The following SLCO1B3 variants were observed in gnomAD, a reference collection of about 807,000 sequenced individuals.
The protein encoded by SLCO1B3 is liver-specific organic anion transporter 2.
In SLCO1B3, 72 loss-of-function variants were observed where a neutral mutation model predicts 71.8. The observed-to-expected ratio is 1.00, with a 90% CI of 0.83 to 1.22. The LOEUF is 1.22. Ranked by LOEUF, SLCO1B3 falls within the 50% of genes most tolerant of loss-of-function variation. The probability of loss-of-function intolerance (pLI) is 0.00; values close to 1 mark genes in which losing one functional copy is unlikely to be tolerated. For missense variants in SLCO1B3, 911 were observed against 819.7 expected, an observed-to-expected ratio of 1.11 and a Z score of -1.36; for synonymous variants, 298 against 278.4, an observed-to-expected ratio of 1.07 and a Z score of -0.70.
intron 10 of SLCO1B3, among the ~76,000 whole-genome samples, chr12:20,879,006 A>G (rs1020366712): frequency 1.3e-5 from 2 of 152,096 alleles, no homozygotes; most frequent in African/African-American, 2.4e-5. Flanking sequence ...AGAAAGAAAG[A>G]TTTTGTTTTT....
rs747595430 is a variant in SLCO1B3, at chr12:20,862,839, G to A, written c.712G>A (p.Gly238Arg). The A allele has an allele frequency of 8.9e-6, 14 of 1,578,724 alleles. No homozygotes were observed. Among genetic ancestry groups the A allele is most frequent in the Non-Finnish European group, 1.2e-5 (14 of 1,147,898 alleles). Reference sequence around the variant, plus strand: ...GTTTGCTAAAATGTACGTGGATATTGGATATGTAGATCTGAGTAAGTACAA... The same window carrying A: ...GTTTGCTAAAATGTACGTGGATATTAGATATGTAGATCTGAGTAAGTACAA... Reference protein sequence around the residue: ...SLFAKMYVDIGYVDLSTIRIT... With the variant: ...SLFAKMYVDIRYVDLSTIRIT... The change falls in exon 8 of 16, where the codon GGA becomes AGA. Residue 238 changes from glycine to arginine, a missense_variant. Transcript: ENST00000381545.
chr12:20,861,037 C>T lies in SLCO1B3; in HGVS notation c.380C>T (p.Thr127Ile). The change falls in exon 6 of 16, where the codon ACC (threonine) becomes ATC (isoleucine). Residue 127 changes from threonine to isoleucine, a missense_variant. Physicochemically the swap from Thr to Ile is moderately conservative, Grantham distance 89. Coordinates refer to ENST00000381545, the MANE Select transcript of SLCO1B3 (RefSeq NM_019844.4). The stretch of plus-strand genomic sequence containing the variant: ...TACAGTTATAGGTATTCTAAAGAAA[C>T]CCATATTAATCCATCAGAAAATTCA... The part of the protein sequence containing the change: ...FMGYYRYSKE[T>I]HINPSENSTS... 1.3e-6 allele frequency: 2 copies of T among 1,589,768 alleles called. No individual in the cohort carries two copies. Among genetic ancestry groups the T allele is most frequent in the South Asian group, 1.1e-5 (1 of 87,836 alleles).
At chr12:20,856,176 T>C (rs888252915) in intron 4 of SLCO1B3, among the ~76,000 whole-genome samples, 44 of 152,358 alleles carry the variant, frequency 2.9e-4, no homozygotes, top group African/African-American at 1.0e-3. Flanking sequence ...ATTTTTATTA[T>C]GAAATTAATC....
chr12:20,821,305 C>G (rs992998609), intron 3 of SLCO1B3, among the ~76,000 whole-genome samples: 2 of 152,020 alleles, frequency 1.3e-5, no homozygotes, highest in Non-Finnish European at 2.9e-5. Context: ...GTTTTTCTGG[C>G]AATTTGTAAC....
chr12:20,864,643 T>C (rs1298151910), intron 8 of SLCO1B3, among the ~76,000 whole-genome samples: 1 of 152,156 alleles, frequency 6.6e-6, no homozygotes, highest in African/African-American at 2.4e-5. Flanking sequence ...ACAAAGTAAG[T>C]GTTGAAGGTC....
chr12:20,842,341 T>G (rs758016176), intron 3 of SLCO1B3, among the ~76,000 whole-genome samples: 14 of 152,228 alleles, frequency 9.2e-5, no homozygotes, highest in Admixed American at 2.0e-4. Flanking sequence ...TTTCCTCTAG[T>G]GACAATAATT....
chr12:20,897,072 T>TA (rs1866023822), intron 13 of SLCO1B3, among the ~76,000 whole-genome samples: 1 of 152,170 alleles, frequency 6.6e-6, no homozygotes, highest in South Asian at 2.1e-4. Context: ...ACGTGGGTAT[T>TA]ATGTGAGTAA....
At chr12:20,832,229 G>A (rs184193170) in intron 3 of SLCO1B3, among the ~76,000 whole-genome samples, 44 of 152,214 alleles carry the variant, frequency 2.9e-4, no homozygotes, top group African/African-American at 9.6e-4. Context: ...ACTAATACAC[G>A]TTGTTACTGA....
intron 3 of SLCO1B3, among the ~76,000 whole-genome samples, chr12:20,835,495 A>G (rs1381568094): frequency 6.6e-6 from 1 of 152,098 alleles, no homozygotes; most frequent in Non-Finnish European, 1.5e-5. Context: ...ACCCTAAATC[A>G]TCTCTCTCAA....
At position 20,883,443 on chromosome 12, in the gene SLCO1B3, A is replaced by G. The variant is rs1475700708; in HGVS notation, c.1523A>G (p.Glu508Gly). ...GTGTTTTATAACTGTAGTTGTGTGG[A>G]AGTAACTGGTCTCCAGAACAGAAAT... ...HTVFYNCSCV[E>G]VTGLQNRNYS... The change falls in exon 13 of 16, where the codon GAA becomes GGA. Residue 508 changes from glutamate (E) to glycine (G), a missense_variant. Transcript: ENST00000381545. 2.6e-6 allele frequency: 4 copies of G among 1,567,124 alleles called. No homozygotes were observed. The highest frequency in any genetic ancestry group is 3.4e-6 in the Non-Finnish European group (4 of 1,161,114).
intron 3 of SLCO1B3, among the ~76,000 whole-genome samples, chr12:20,822,729 A>G (rs1048873990): frequency 9.9e-5 from 15 of 150,982 alleles, no homozygotes; most frequent in Non-Finnish European, 1.5e-4. Context: ...GGCACTTTAC[A>G]CAATATAAGG....
intron 8 of SLCO1B3, among the ~76,000 whole-genome samples, chr12:20,872,170 CA>C (rs1865487427): frequency 6.6e-6 from 1 of 151,964 alleles, no homozygotes; most frequent in African/African-American, 2.4e-5. Flanking sequence ...CCACCACCAC[CA>C]CAGGCCCAAG....
intron 4 of SLCO1B3, among the ~76,000 whole-genome samples, chr12:20,856,824 T>C (rs1865149813): frequency 6.6e-6 from 1 of 152,080 alleles, no homozygotes; most frequent in Admixed American, 6.6e-5. Context: ...CCTTTCAGAG[T>C]GCTGAGATTA....
chr12:20,826,018 ATCT>A (rs1195317367), intron 3 of SLCO1B3, among the ~76,000 whole-genome samples: 1 of 152,122 alleles, frequency 6.6e-6, no homozygotes, highest in African/African-American at 2.4e-5. Flanking sequence ...AATAAAAAAG[ATCT>A]TCTATATTAT....
intron 12 of SLCO1B3, 56 bp from the exon 13 acceptor site, chr12:20,883,362 A>G (rs1488821075): frequency 1.2e-5 from 12 of 995,542 alleles, no homozygotes; most frequent in Non-Finnish European, 1.6e-5. Flanking sequence ...GAATGTATTC[A>G]TAGCCCTGTT....
Position 20,836,493 on chromosome 12 carries a change from G to A in SLCO1B3, c.85-18535G>A, listed in dbSNP as rs150499886. On this transcript the variant is annotated intron_variant, in intron 3 of 15. Coordinates refer to ENST00000381545, the MANE Select transcript of SLCO1B3 (RefSeq NM_019844.4). ...TAATATCTTGGATTTTAGTATCAGG[G>A]TAATGCTGGCCTCATGGAATAAGAT... 5.4e-3 allele frequency among the ~76,000 whole-genome samples: 824 copies of A among 152,162 alleles called. 17 individuals are homozygous for A. Among genetic ancestry groups the A allele is most frequent in the Admixed American group, 0.019 (294 of 15,284 alleles).
At chr12:20,852,974 A>G (rs1157013592) in intron 3 of SLCO1B3, among the ~76,000 whole-genome samples, 1 of 152,058 alleles carries the variant, frequency 6.6e-6, no homozygotes, top group East Asian at 1.9e-4. Context: ...TATTAATGTT[A>G]GGAGTGGGCA....
At chr12:20,850,246 A>G (rs1404415611) in intron 3 of SLCO1B3, among the ~76,000 whole-genome samples, 1 of 143,262 alleles carries the variant, frequency 7.0e-6, no homozygotes, top group Non-Finnish European at 1.5e-5. Flanking sequence ...GATTATTTTT[A>G]TTATTATTAT....
chr12:20,900,834 C>A (rs945344941), intron 14 of SLCO1B3, among the ~76,000 whole-genome samples: 1 of 152,154 alleles, frequency 6.6e-6, no homozygotes, highest in Non-Finnish European at 1.5e-5. Flanking sequence ...GCCTGAACTT[C>A]TCTGGGGAGG....
Sources: gnomAD v4.1 joint callset for allele counts (sites outside exome capture counted in the v4.1 genomes callset) on GRCh38, gnomAD v4.1.1 for gene constraint, MANE v1.5 for transcripts, NCBI Gene and HGNC (gene_info 2026-07-23, HGNC 2026-07-21) for gene names.